The following RELN variants were observed in gnomAD, a reference collection of about 807,000 sequenced individuals.
RELN encodes reelin.
In RELN, 108 loss-of-function variants were observed where a neutral mutation model predicts 427.6. That is an observed-to-expected ratio of 0.25 (90% CI 0.22 to 0.30). RELN has a LOEUF of 0.30. Ranked by LOEUF, RELN falls within the 10% of genes least tolerant of loss-of-function variation. The probability of loss-of-function intolerance (pLI) is 1.00; values close to 1 mark genes in which losing one functional copy is unlikely to be tolerated. For synonymous variants in RELN, 1,524 were observed against 1,513.4 expected (o/e 1.01, Z -0.16); for missense variants, 3,715 against 4,302.8 (o/e 0.86, Z 3.82).
At chr7:103,488,265 T>A (rs552239513) in intron 60 of RELN, among the ~76,000 whole-genome samples, 9 of 152,342 alleles carry the variant, frequency 5.9e-5, no homozygotes, top group Middle Eastern at 3.4e-3. Flanking sequence ...GATATTATAT[T>A]AGCAAACGTG....
chr7:103,474,949 C>T (rs1827982094), intron 64 of RELN, among the ~76,000 whole-genome samples: 1 of 152,168 alleles, frequency 6.6e-6, no homozygotes, highest in Admixed American at 6.5e-5. Flanking sequence ...TAAACTTTTC[C>T]TCAAACACTG....
chr7:103,768,940 T>G (rs1791494444), intron 4 of RELN, among the ~76,000 whole-genome samples: 1 of 152,218 alleles, frequency 6.6e-6, no homozygotes, highest in Non-Finnish European at 1.5e-5. Context: ...ATGTGTGCTA[T>G]CTCTTTACAA....
chr7:103,510,195 T>C (rs1829359805), intron 51 of RELN, among the ~76,000 whole-genome samples: 1 of 152,194 alleles, frequency 6.6e-6, no homozygotes, highest in Non-Finnish European at 1.5e-5. Flanking sequence ...CACACGTATG[T>C]TTACTGCGGC....
In RELN at chr7:103,561,650, A is replaced by G; in HGVS notation, c.5411T>C (p.Leu1804Pro). The change falls in exon 36 of 65, where the codon CTT (leucine) becomes CCT (proline). Residue 1804 changes from leucine (L) to proline (P), a missense_variant. This residue lies in a region of RELN where 2,208 missense variants were observed against 2,361.7 expected (regional missense o/e 0.93). Transcript: ENST00000428762. ...CVPVVPLPSI[L>P]KDDFNGNLHP... is the part of the protein sequence containing the mutation. ...TAAATTCCCATTGAAATCGTCTTTA[A>G]GAATCGAGGGCAGAGGAACAACAGG... The G allele has an allele frequency of 6.2e-7, 1 of 1,614,080 alleles. No individual in the cohort carries two copies. Among genetic ancestry groups the G allele is most frequent in the Non-Finnish European group, 8.5e-7 (1 of 1,179,958 alleles).
chr7:103,606,119 C>T (rs896232719), intron 22 of RELN, among the ~76,000 whole-genome samples: 1 of 152,182 alleles, frequency 6.6e-6, no homozygotes, highest in Non-Finnish European at 1.5e-5. Context: ...AAGACTTATG[C>T]ACCTTGTCAT....
chr7:103,523,301 G>A, intron 47 of RELN, 90 bp downstream of exon 47: 2 of 1,421,026 alleles, frequency 1.4e-6, no homozygotes, highest in Non-Finnish European at 2.0e-6. Flanking sequence ...AGGAAGCATG[G>A]GAGTGATTCA....
intron 4 of RELN, among the ~76,000 whole-genome samples, chr7:103,757,721 T>C (rs1300339691): frequency 6.6e-6 from 1 of 152,120 alleles, no homozygotes; most frequent in East Asian, 1.9e-4. Flanking sequence ...ACCAAAGGTG[T>C]GCACAGAGGG....
At position 103,640,618 on chromosome 7, in the gene RELN, G is replaced by C. The variant is rs538376608; in HGVS notation, c.2003-9C>G. The C allele has an allele frequency of 1.2e-6, 2 of 1,613,336 alleles. No homozygotes were observed. Among genetic ancestry groups the C allele is most frequent in the Non-Finnish European group, 1.7e-6 (2 of 1,179,704 alleles). On this transcript the variant is annotated splice_polypyrimidine_tract_variant and intron_variant, in intron 16 of 64. Transcript: ENST00000428762. The surrounding 1 kb of genome is among the most constrained non-coding windows in gnomAD (Gnocchi z 4.1). ...TGACGGGCCAATATAAACTGTGGGA[G>C]GGAAAAAGAGAACATAATTACAAAA...
intron 1 of RELN, among the ~76,000 whole-genome samples, chr7:103,934,259 TA>T (rs1795930518): frequency 6.6e-6 from 1 of 152,202 alleles, no homozygotes; most frequent in Non-Finnish European, 1.5e-5. Flanking sequence ...GTGTCCTCTG[TA>T]AAATCTCTTT....
intron 51 of RELN, among the ~76,000 whole-genome samples, chr7:103,508,570 T>C (rs1452268149): frequency 6.6e-6 from 1 of 152,200 alleles, no homozygotes; most frequent in Non-Finnish European, 1.5e-5. Context: ...ACTGGAAGCA[T>C]TCCCTTTGAA....
At chr7:103,690,998 G>A (rs2115742949) in intron 10 of RELN, among the ~76,000 whole-genome samples, 1 of 152,204 alleles carries the variant, frequency 6.6e-6, no homozygotes, top group East Asian at 1.9e-4. Flanking sequence ...GATTAATTCT[G>A]TAACCATTTA....
At chr7:103,659,069 T>C (rs1473790716) in intron 12 of RELN, among the ~76,000 whole-genome samples, 1 of 151,848 alleles carries the variant, frequency 6.6e-6, no homozygotes. Context: ...CACCTGCATA[T>C]GGATGATTTT....
At chr7:103,980,685 A>C (rs4460306) in intron 1 of RELN, among the ~76,000 whole-genome samples, 81,644 of 151,982 alleles carry the variant, frequency 0.54, 22,203 homozygotes, top group African/African-American at 0.63. Context: ...GATTTTGTGA[A>C]AATTACATGA....
chr7:103,648,560 G>C (rs2117381447), intron 16 of RELN, among the ~76,000 whole-genome samples: 1 of 152,132 alleles, frequency 6.6e-6, no homozygotes. Flanking sequence ...CAAAAGCACA[G>C]ACAACAAAAA....
chr7:103,627,595 T>TTATC (rs1346799843), intron 20 of RELN, among the ~76,000 whole-genome samples: 1 of 152,178 alleles, frequency 6.6e-6, no homozygotes, highest in African/African-American at 2.4e-5. Flanking sequence ...TCTAGTCTCA[T>TTATC]TATCACCACC....
intron 2 of RELN, among the ~76,000 whole-genome samples, chr7:103,908,474 A>C (rs1480670170): frequency 6.6e-6 from 1 of 152,192 alleles, no homozygotes; most frequent in African/African-American, 2.4e-5. Context: ...GTTAGCAAGA[A>C]ACAGGGCTGG....
chr7:103,842,013 A>G (rs1277825335), intron 2 of RELN, among the ~76,000 whole-genome samples: 2 of 152,116 alleles, frequency 1.3e-5, no homozygotes, highest in African/African-American at 4.8e-5. Context: ...TGATTTTTTT[A>G]TGTGAAAAAT....
chr7:103,867,437 C>T (rs963385008), intron 2 of RELN, among the ~76,000 whole-genome samples: 6 of 151,670 alleles, frequency 4.0e-5, no homozygotes, highest in East Asian at 1.9e-4. Context: ...ATAGAAGACT[C>T]GTGCTACTTT....
chr7:103,659,456 T>C (rs550927945), intron 12 of RELN, among the ~76,000 whole-genome samples: 3 of 152,278 alleles, frequency 2.0e-5, no homozygotes, highest in South Asian at 2.1e-4. Flanking sequence ...CTTCCACTTA[T>C]CTATATTGGG....
Sources: gnomAD v4.1 joint callset for allele counts (sites outside exome capture counted in the v4.1 genomes callset) on GRCh38, gnomAD v4.1.1 for gene constraint, gnomAD v4.1.1 regional missense constraint, Gnocchi (gnomAD v3.1) non-coding constraint, MANE v1.5 for transcripts, NCBI Gene and HGNC (gene_info 2026-07-23, HGNC 2026-07-21) for gene names.